Variants in ACACA observed in about 807,000 individuals in gnomAD.
The protein encoded by ACACA is acetyl-CoA carboxylase alpha, also known as acetyl-CoA carboxylase 1.
In ACACA, 103 loss-of-function variants were observed where a neutral mutation model predicts 296.1. The ratio of observed to expected loss-of-function variants is 0.35; its 90% CI spans 0.30 to 0.41. ACACA has a LOEUF of 0.41. Ranked by LOEUF, ACACA falls within the 10% of genes least tolerant of loss-of-function variation. The pLI, the probability that ACACA is intolerant of heterozygous loss-of-function variation, is 1.00. For missense variants in ACACA, 1,554 were observed against 2,989.7 expected, an observed-to-expected ratio of 0.52 and a Z score of 11.20; for synonymous variants, 953 against 1,038.6, an observed-to-expected ratio of 0.92 and a Z score of 1.58.
intron 39 of ACACA, among the ~76,000 whole-genome samples, chr17:37,183,921 C>T (rs2077427371): frequency 7.1e-6 from 1 of 140,974 alleles, no homozygotes; most frequent in African/African-American, 2.7e-5. Context: ...GGTGCGATCT[C>T]GGCTCACCAC....
At chr17:37,371,989 G>A (rs1373550218) in intron 1 of ACACA, among the ~76,000 whole-genome samples, 1 of 152,158 alleles carries the variant, frequency 6.6e-6, no homozygotes, top group African/African-American at 2.4e-5. Context: ...AGGCTGGGGT[G>A]GGAGGGCTGC....
intron 47 of ACACA, among the ~76,000 whole-genome samples, chr17:37,128,023 T>TAAA (rs2074890198): frequency 0.085 from 1,925 of 22,516 alleles, 220 homozygotes; most frequent in East Asian, 0.17. Context: ...AAACTCCATC[T>TAAA]CAAAAAAAAA....
chr17:37,174,020 A>ATATATATATATTTTT (rs552735515), intron 41 of ACACA, among the ~76,000 whole-genome samples: 6 of 16,790 alleles, frequency 3.6e-4, no homozygotes, highest in African/African-American at 1.5e-3. Context: ...ATATATATAT[A>ATATATATATATTTTT]TTTTTTTTTT....
At chr17:37,360,055 C>T (rs1038373867) in intron 1 of ACACA, 17 of 152,226 alleles carry the variant, frequency 1.1e-4, no homozygotes, top group African/African-American at 3.9e-4. Flanking sequence ...GGAAGCCAGT[C>T]GGTGTCTCTA....
At chr17:37,100,440 A>G (rs1483137811) in intron 52 of ACACA, among the ~76,000 whole-genome samples, 3 of 152,152 alleles carry the variant, frequency 2.0e-5, no homozygotes, top group Admixed American at 2.0e-4. Context: ...TCCTGCCCAA[A>G]AAGCAGAATC....
intron 19 of ACACA, 40 bp from the exon 20 acceptor site, chr17:37,245,254 T>C: frequency 6.2e-7 from 1 of 1,607,712 alleles, no homozygotes; most frequent in Non-Finnish European, 8.5e-7. Context: ...TTATCTCTCT[T>C]TACACAGATG....
Position 37,377,705 on chromosome 17 carries a change from A to AT in ACACA, c.38+28556_38+28557insA, listed in dbSNP as rs60892330. ...AATAAATAAATAAATAAATAAATAA[A>AT]AGTAAAGTCTTTTTAGAGAGTGTTT... is the stretch of plus-strand genomic sequence containing the variant. On this transcript the variant is annotated intron_variant, in intron 1 of 55. Coordinates refer to ENST00000616317, the MANE Select transcript of ACACA (RefSeq NM_198834.3). 2.7e-5 allele frequency among the ~76,000 whole-genome samples: 4 copies of AT among 150,194 alleles called. No individual in the cohort carries two copies. In the East Asian group the frequency reaches 6.0e-4, roughly 22 times the overall value.
At chr17:37,092,430 A>G (rs1437289659) in intron 54 of ACACA, among the ~76,000 whole-genome samples, 1 of 152,206 alleles carries the variant, frequency 6.6e-6, no homozygotes, top group Non-Finnish European at 1.5e-5. Context: ...TTATCAATAA[A>G]ATATCAATAA....
At chr17:37,272,225 T>G (rs1267005081) in intron 9 of ACACA, among the ~76,000 whole-genome samples, 1 of 151,908 alleles carries the variant, frequency 6.6e-6, no homozygotes, top group Non-Finnish European at 1.5e-5. Context: ...TAACCTGTAA[T>G]CACAGCCACT....
intron 35 of ACACA, among the ~76,000 whole-genome samples, chr17:37,196,634 AG>A (rs940149503): frequency 6.6e-6 from 1 of 151,936 alleles, no homozygotes; most frequent in Non-Finnish European, 1.5e-5. Flanking sequence ...AAAAAAAAAA[AG>A]CATAATATTA....
chr17:37,125,221 CT>C (rs35895326), intron 48 of ACACA, among the ~76,000 whole-genome samples: 28,063 of 147,618 alleles, frequency 0.19, 3,140 homozygotes, highest in East Asian at 0.44. Context: ...TTCAGGTAAA[CT>C]TTTTTTTTTT....
chr17:37,157,733 A>G (rs1158662654), intron 42 of ACACA, among the ~76,000 whole-genome samples: 1 of 151,780 alleles, frequency 6.6e-6, no homozygotes. Context: ...AGAGGGTTTC[A>G]CCATGTTGGC....
intron 39 of ACACA, among the ~76,000 whole-genome samples, chr17:37,181,934 T>C (rs1429599866): frequency 1.4e-5 from 1 of 73,210 alleles, no homozygotes; most frequent in African/African-American, 5.5e-5. Context: ...AAAAAGGAAA[T>C]AAACAAGAAA....
chr17:37,278,588 T>C (rs2082371208), intron 5 of ACACA, among the ~76,000 whole-genome samples: 1 of 152,236 alleles, frequency 6.6e-6, no homozygotes, highest in African/African-American at 2.4e-5. Flanking sequence ...TGTTGTACAG[T>C]ATTCCCTTTC....
intron 33 of ACACA, among the ~76,000 whole-genome samples, chr17:37,205,483 T>C (rs576331977): frequency 1.1e-3 from 173 of 152,198 alleles, no homozygotes; most frequent in Non-Finnish European, 2.2e-3. Flanking sequence ...ACTTGGTAGG[T>C]GATTCGAAGT....
intron 1 of ACACA, among the ~76,000 whole-genome samples, chr17:37,355,363 C>A (rs143889775): frequency 0.029 from 4,336 of 152,040 alleles, 219 homozygotes; most frequent in African/African-American, 0.099. Context: ...CAAGACCAGG[C>A]TGGCCAACAC....
chr17:37,317,491 G>A (rs150158608), intron 3 of ACACA, among the ~76,000 whole-genome samples: 11 of 151,552 alleles, frequency 7.3e-5, no homozygotes, highest in Admixed American at 3.9e-4. Flanking sequence ...GCTTGAACCC[G>A]GGAGGCGGAG....
intron 39 of ACACA, among the ~76,000 whole-genome samples, chr17:37,181,864 C>T (rs144707142): frequency 0.014 from 1,823 of 127,310 alleles, 29 homozygotes; most frequent in African/African-American, 0.049. Flanking sequence ...TGCGCCACTG[C>T]ACTCCAGCCT....
chr17:37,327,785 G>A (rs1039131202), intron 3 of ACACA, among the ~76,000 whole-genome samples: 3 of 152,162 alleles, frequency 2.0e-5, no homozygotes, highest in African/African-American at 7.2e-5. Flanking sequence ...GGGGCACTAC[G>A]ACATTTTGAG....
Sources: allele counts gnomAD v4.1 joint callset (sites outside exome capture counted in the v4.1 genomes callset), GRCh38; gene constraint gnomAD v4.1.1; transcripts MANE v1.5; gene names NCBI Gene and HGNC (gene_info 2026-07-23, HGNC 2026-07-21).